Variants in PCDHA5 observed in about 807,000 individuals in gnomAD.
PCDHA5 encodes the protein protocadherin alpha-5.
A neutral mutation model predicts 61.6 loss-of-function variants in PCDHA5; 43 were observed. The ratio of observed to expected loss-of-function variants is 0.70; its 90% CI spans 0.55 to 0.90. The LOEUF is 0.90. Ranked by LOEUF, PCDHA5 falls within the 40% of genes least tolerant of loss-of-function variation. The pLI is 0.00. For synonymous variants in PCDHA5, 627 were observed against 543.9 expected (o/e 1.15, Z -2.13); for missense variants, 1,298 against 1,222.7 (o/e 1.06, Z -0.92).
In PCDHA5 at chr5:140,823,657, G is replaced by C; in HGVS notation, c.1882G>C (p.Gly628Arg). 6.2e-7 allele frequency: 1 copy of C among 1,613,998 alleles called. No individual in the cohort carries two copies. Among genetic ancestry groups the C allele is most frequent in the Non-Finnish European group, 8.5e-7 (1 of 1,179,910 alleles). ...CCCGTTCCGCGTGGGGCTGTACACA[G>C]GCGAGATCAGCACAACACGCTCTCT... The part of the protein sequence containing the change: ...RIPFRVGLYT[G>R]EISTTRSLDE... Residue 628 changes from glycine (G) to arginine (R), a missense_variant, in exon 1 of 4, where the codon GGC becomes CGC. Coordinates refer to ENST00000529859, the MANE Select transcript of PCDHA5 (RefSeq NM_018908.3).
At chr5:140,997,563 A>G (rs891862395) in intron 3 of PCDHA5, among the ~76,000 whole-genome samples, 7 of 152,202 alleles carry the variant, frequency 4.6e-5, no homozygotes, top group Non-Finnish European at 8.8e-5. Context: ...GACAACTGTC[A>G]TATGTGTGGT....
At chr5:140,856,444 C>G in intron 1 of PCDHA5, 1 of 1,598,432 alleles carries the variant, frequency 6.3e-7, no homozygotes, top group Non-Finnish European at 8.6e-7. Flanking sequence ...CGCCCAGGTT[C>G]TCCGTAACAG....
chr5:140,928,458 T>C lies in PCDHA5; in HGVS notation c.2353-50491T>C, dbSNP rs1030560254. On this transcript the variant is annotated intron_variant, in intron 1 of 3. Coordinates refer to ENST00000529859, the MANE Select transcript of PCDHA5 (RefSeq NM_018908.3). Reference sequence around the variant, plus strand: ...ACTTTGAGCAGCTCAGGGGGTTTCATTTCCAAGTAGAAGGCCGGGATGGTG... The same window carrying C: ...ACTTTGAGCAGCTCAGGGGGTTTCACTTCCAAGTAGAAGGCCGGGATGGTG... 3.1e-6 allele frequency: 5 copies of C among 1,614,048 alleles called. No homozygotes were observed. In the African/African-American group the frequency reaches 5.3e-5, roughly 17 times the overall value.
intron 1 of PCDHA5, among the ~76,000 whole-genome samples, chr5:140,946,707 A>C (rs2094013917): frequency 6.7e-6 from 1 of 150,204 alleles, no homozygotes; most frequent in East Asian, 1.9e-4. Context: ...TCTGGAGGTC[A>C]TTATGTTTAG....
intron 2 of PCDHA5, among the ~76,000 whole-genome samples, chr5:140,979,626 A>T (rs2096859120): frequency 2.0e-5 from 3 of 152,204 alleles, no homozygotes; most frequent in Non-Finnish European, 4.4e-5. Flanking sequence ...TTAGTCTAAG[A>T]CTCAGATTAA....
chr5:140,871,698 C>A, intron 1 of PCDHA5: 2 of 905,580 alleles, frequency 2.2e-6, no homozygotes, highest in Non-Finnish European at 3.2e-6. Context: ...GCTTCTTTAA[C>A]CAATAAATGT....
chr5:140,908,998 C>G (rs2074255436), intron 1 of PCDHA5, among the ~76,000 whole-genome samples: 1 of 152,156 alleles, frequency 6.6e-6, no homozygotes, highest in South Asian at 2.1e-4. Flanking sequence ...AGAAATTTTA[C>G]TGAGGTAGAA....
chr5:140,850,326 C>A (rs2150479866), intron 1 of PCDHA5: 3 of 1,597,642 alleles, frequency 1.9e-6, no homozygotes, highest in East Asian at 2.2e-5. Flanking sequence ...TTCATACGAG[C>A]TGCAGCCAGA....
At chr5:140,970,156 T>C (rs933887683) in intron 1 of PCDHA5, among the ~76,000 whole-genome samples, 6 of 152,188 alleles carry the variant, frequency 3.9e-5, no homozygotes, top group African/African-American at 1.4e-4. Context: ...CTCCCAATAG[T>C]CACCTTTCTT....
intron 1 of PCDHA5, chr5:140,841,994 A>T: frequency 6.2e-6 from 10 of 1,613,788 alleles, no homozygotes; most frequent in Non-Finnish European, 8.5e-6. Flanking sequence ...GCTCACAGGC[A>T]CTGTTCAGCT....
intron 1 of PCDHA5, chr5:140,869,485 G>A: frequency 6.2e-7 from 1 of 1,614,158 alleles, no homozygotes; most frequent in Non-Finnish European, 8.5e-7. Context: ...GGACATTAAC[G>A]ACAACCCGCC....
At chr5:140,982,694 A>G in intron 3 of PCDHA5, 131 bp downstream of exon 3, 1 of 1,402,998 alleles carries the variant, frequency 7.1e-7, no homozygotes, top group Non-Finnish European at 9.4e-7. Flanking sequence ...TTCCATACAT[A>G]CATGATTTCC....
At chr5:140,913,235 G>A (rs1554195817) in intron 1 of PCDHA5, among the ~76,000 whole-genome samples, 4 of 152,144 alleles carry the variant, frequency 2.6e-5, no homozygotes. Context: ...TTTGCTGGGA[G>A]ACTTTTTGTT....
intron 1 of PCDHA5, chr5:140,875,971 C>A (rs17844352): frequency 1.1e-5 from 17 of 1,614,030 alleles, no homozygotes; most frequent in Non-Finnish European, 1.4e-5. Flanking sequence ...CGTAAACTCT[C>A]TTTTGACCTA....
intron 1 of PCDHA5, chr5:140,929,554 C>A (rs899446101): frequency 6.1e-6 from 3 of 488,410 alleles, no homozygotes; most frequent in African/African-American, 4.0e-5. Flanking sequence ...AAAATTAAAA[C>A]CTATTTAAGA....
At chr5:140,964,107 G>A (rs1298844061) in intron 1 of PCDHA5, among the ~76,000 whole-genome samples, 1 of 152,090 alleles carries the variant, frequency 6.6e-6, no homozygotes, top group Non-Finnish European at 1.5e-5. Flanking sequence ...AACAGTCTGA[G>A]CAATCACATT....
At chr5:140,828,326 C>T (rs1554131212) in intron 1 of PCDHA5, 1 of 1,614,206 alleles carries the variant, frequency 6.2e-7, no homozygotes, top group Non-Finnish European at 8.5e-7. Flanking sequence ...GGAGGTAAAT[C>T]TGCAGAATGG....
chr5:140,835,582 C>T, intron 1 of PCDHA5: 1 of 1,613,912 alleles, frequency 6.2e-7, no homozygotes, highest in Non-Finnish European at 8.5e-7. Context: ...TTGGTGTCCA[C>T]CTTCAAGAAT....
chr5:140,838,443 T>C (rs1554137081), intron 1 of PCDHA5, among the ~76,000 whole-genome samples: 5 of 151,752 alleles, frequency 3.3e-5, no homozygotes, highest in Non-Finnish European at 5.9e-5. Flanking sequence ...TATTGGGTTT[T>C]GTGGCATATT....
Sources: gnomAD v4.1 joint callset for allele counts (sites outside exome capture counted in the v4.1 genomes callset) on GRCh38, gnomAD v4.1.1 for gene constraint, MANE v1.5 for transcripts, NCBI Gene and HGNC (gene_info 2026-07-23, HGNC 2026-07-21) for gene names.